PTPRZ1: variants seen among roughly 807,000 people sequenced by gnomAD.
PTPRZ1 encodes the protein protein tyrosine phosphatase receptor type Z1.
Under a neutral mutation model 214.1 loss-of-function variants are expected in PTPRZ1, and 82 were observed. That is an observed-to-expected ratio of 0.38 (90% confidence interval 0.32 to 0.46). The LOEUF is 0.46. Among genes scored for constraint, PTPRZ1 ranks in the 20% least tolerant of loss-of-function variants. The pLI, the probability that PTPRZ1 is intolerant of heterozygous loss-of-function variation, is 1.00. For synonymous variants in PTPRZ1, 945 were observed against 987.9 expected, an observed-to-expected ratio of 0.96 and a Z score of 0.81; for missense variants, 2,603 against 2,748.7, an observed-to-expected ratio of 0.95 and a Z score of 1.19.
At chr7:121,954,975 C>T (rs916495558) in intron 2 of PTPRZ1, among the ~76,000 whole-genome samples, 2 of 152,120 alleles carry the variant, frequency 1.3e-5, no homozygotes, top group African/African-American at 2.4e-5. Context: ...AAGGAGGAAC[C>T]GATGACTCAA....
chr7:121,947,755 A>AC (rs897428737), intron 2 of PTPRZ1, among the ~76,000 whole-genome samples: 7 of 149,886 alleles, frequency 4.7e-5, no homozygotes, highest in Non-Finnish European at 8.9e-5. Flanking sequence ...CTATTTGAAG[A>AC]TTTTTTTTTT....
At chr7:122,015,851 A>G (rs1798827663) in intron 12 of PTPRZ1, among the ~76,000 whole-genome samples, 2 of 152,068 alleles carry the variant, frequency 1.3e-5, no homozygotes, top group East Asian at 1.9e-4. Flanking sequence ...ATCCAACATT[A>G]TCAAGTAACA....
At chr7:122,007,162 A>G (rs182869807) in intron 11 of PTPRZ1, among the ~76,000 whole-genome samples, 60 of 152,270 alleles carry the variant, frequency 3.9e-4, no homozygotes, top group African/African-American at 1.4e-3. Context: ...TTAAAAATCA[A>G]TGTCATTACT....
At chr7:121,912,623 A>G (rs951068985) in intron 1 of PTPRZ1, among the ~76,000 whole-genome samples, 1 of 152,188 alleles carries the variant, frequency 6.6e-6, no homozygotes, top group Non-Finnish European at 1.5e-5. Flanking sequence ...GTGCTTAAGT[A>G]TGTTACAGGG....
rs199614560 is a variant in PTPRZ1, at chr7:122,023,523, T to TTATA, written c.4988+4264_4988+4267dup. Among the ~76,000 whole-genome samples, 70 of 113,212 alleles carry TTATA rather than the reference T, an allele frequency of 6.2e-4. 2 individuals carry two copies. Among genetic ancestry groups the TTATA allele is most frequent in the African/African-American group, 2.2e-3 (59 of 26,600 alleles). The allele number at this position is 113,212 out of a possible 152,430, so 74.3% of individuals were successfully genotyped here. A position where few individuals can be genotyped will look rare whatever the true frequency, so the allele number is the denominator to read the frequency against. ...TATATATGTATAATTTTATATATAATTATATATATATAATTTTATATATAA... is the reference window on the plus strand; with the variant it reads ...TATATATGTATAATTTTATATATAATTATATATATATATATAATTTTATATATAA... On this transcript the variant is annotated intron_variant, in intron 13 of 29. Transcript: ENST00000393386.
chr7:121,965,437 C>T (rs1447580323), intron 2 of PTPRZ1, among the ~76,000 whole-genome samples: 1 of 152,068 alleles, frequency 6.6e-6, no homozygotes, highest in Non-Finnish European at 1.5e-5. Context: ...TGGTTATGCT[C>T]TCAGCTCCCA....
At chr7:121,961,416 C>T (rs1177409032) in intron 2 of PTPRZ1, among the ~76,000 whole-genome samples, 2 of 152,244 alleles carry the variant, frequency 1.3e-5, no homozygotes, top group African/African-American at 2.4e-5. Flanking sequence ...TGCTTGGTTT[C>T]TCCTCTGCCT....
At chr7:121,997,289 C>T (rs1562852459) in intron 9 of PTPRZ1, among the ~76,000 whole-genome samples, 1 of 152,010 alleles carries the variant, frequency 6.6e-6, no homozygotes, top group Non-Finnish European at 1.5e-5. Context: ...GTCCTGGGAA[C>T]CTGCATTTAA....
At chr7:122,018,086 G>A (rs1217322018) in intron 12 of PTPRZ1, among the ~76,000 whole-genome samples, 2 of 152,160 alleles carry the variant, frequency 1.3e-5, no homozygotes, top group African/African-American at 2.4e-5. Flanking sequence ...CATCAGAAGT[G>A]CCAAGTGCAT....
chr7:121,971,534 A>C (rs1797249154), intron 3 of PTPRZ1, among the ~76,000 whole-genome samples: 1 of 152,130 alleles, frequency 6.6e-6, no homozygotes. Context: ...GGCTCTTGAA[A>C]TGACAGTGGG....
intron 25 of PTPRZ1, among the ~76,000 whole-genome samples, chr7:122,052,541 A>T (rs1792219162): frequency 6.6e-6 from 1 of 152,148 alleles, no homozygotes; most frequent in Non-Finnish European, 1.5e-5. Flanking sequence ...CTATTTATCC[A>T]GCAAAGAAAA....
chr7:122,054,649 A>G (rs1192161898), intron 26 of PTPRZ1, among the ~76,000 whole-genome samples: 2 of 152,110 alleles, frequency 1.3e-5, no homozygotes, highest in African/African-American at 4.8e-5. Context: ...AGCTCTTAAA[A>G]TCACTTGAAT....
intron 2 of PTPRZ1, among the ~76,000 whole-genome samples, chr7:121,966,156 C>T (rs1171040476): frequency 6.6e-6 from 1 of 152,092 alleles, no homozygotes; most frequent in Non-Finnish European, 1.5e-5. Context: ...GTGGAAGGAG[C>T]TTATTTCAGA....
chr7:121,979,842 A>G (rs1797550153), intron 6 of PTPRZ1, among the ~76,000 whole-genome samples: 1 of 152,212 alleles, frequency 6.6e-6, no homozygotes, highest in African/African-American at 2.4e-5. Flanking sequence ...GAAAACCACA[A>G]ACACAAACAA....
chr7:121,889,839 T>A (rs1794528835), intron 1 of PTPRZ1, among the ~76,000 whole-genome samples: 1 of 152,208 alleles, frequency 6.6e-6, no homozygotes, highest in Non-Finnish European at 1.5e-5. Flanking sequence ...CCTCACTTTA[T>A]GGACCTACCA....
At chr7:121,976,750 T>C (rs1423356728) in intron 5 of PTPRZ1, 35 bp from the exon 6 acceptor site, 7 of 1,492,522 alleles carry the variant, frequency 4.7e-6, no homozygotes, top group Non-Finnish European at 6.4e-6. Flanking sequence ...CCAAATGTTT[T>C]ATTCTTTTTT....
chr7:122,059,757 G>A lies in PTPRZ1; in HGVS notation c.6676G>A (p.Gly2226Arg). ...DGPMIVHDEH[G>R]GVTAGTFCAL... ...TTTCTTTTTTTTTTTTACAAGGCAT[G>A]GAGGAGTGACGGCAGGAACTTTCTG... Residue 2226 changes from glycine to arginine, a missense_variant, in exon 29 of 30, where the codon GGA (glycine) becomes AGA (arginine). Physicochemically the swap from Gly to Arg is moderately radical, Grantham distance 125 (BLOSUM62 -2). This residue lies in a region of PTPRZ1 where 165 missense variants were observed against 151.4 expected (regional missense o/e 1.09). Transcript: ENST00000393386. The A allele has an allele frequency of 6.2e-7, 1 of 1,608,446 alleles. No homozygotes were observed. The highest frequency in any genetic ancestry group is 8.5e-7 in the Non-Finnish European group (1 of 1,178,192).
At chr7:122,055,493 C>A (rs1279025018) in intron 27 of PTPRZ1, among the ~76,000 whole-genome samples, 2 of 151,576 alleles carry the variant, frequency 1.3e-5, no homozygotes, top group Non-Finnish European at 2.9e-5. Context: ...AAAAATACTA[C>A]CTACCGAAAC....
At chr7:121,949,571 T>C (rs1337625364) in intron 2 of PTPRZ1, among the ~76,000 whole-genome samples, 1 of 152,188 alleles carries the variant, frequency 6.6e-6, no homozygotes, top group Non-Finnish European at 1.5e-5. Context: ...GAAGGCCCCT[T>C]GATTGGTAGA....
Sources: allele counts gnomAD v4.1 joint callset (sites outside exome capture counted in the v4.1 genomes callset), GRCh38; gene constraint gnomAD v4.1.1; regional missense constraint gnomAD v4.1.1; transcripts MANE v1.5; gene names NCBI Gene and HGNC (gene_info 2026-07-23, HGNC 2026-07-21).